GTSE1: variants seen among roughly 807,000 people sequenced by gnomAD.
GTSE1 encodes the protein G2 and S phase-expressed protein 1.
Under a neutral mutation model 60.5 loss-of-function variants are expected in GTSE1, and 52 were observed. The ratio of observed to expected loss-of-function variants is 0.86; its 90% confidence interval spans 0.69 to 1.08. GTSE1 has a LOEUF of 1.08. Ranked by LOEUF, GTSE1 falls within the 50% of genes least tolerant of loss-of-function variation. The probability of loss-of-function intolerance (pLI) is 0.00; values close to 1 mark genes in which losing one functional copy is unlikely to be tolerated. For missense variants in GTSE1, 937 were observed against 961.8 expected, an observed-to-expected ratio of 0.97 and a Z score of 0.34; for synonymous variants, 368 against 386.5, an observed-to-expected ratio of 0.95 and a Z score of 0.56.
rs1484907223 is a variant in GTSE1, at chr22:46,326,169, A to G, written c.1506-267A>G. Among the ~76,000 whole-genome samples the G allele has an allele frequency of 2.0e-5, 3 of 152,366 alleles. No individual in the cohort carries two copies. In the East Asian group the frequency reaches 5.8e-4, roughly 29 times the overall value. On this transcript the variant is annotated intron_variant, in intron 8 of 11. Coordinates refer to ENST00000454366, the MANE Select transcript of GTSE1 (RefSeq NM_016426.7). ...CCGTAAAGTGTAATCACATTTGATC[A>G]ATTTTCTTTTGAGTTGCCTGTGAGG...
rs1367562130 is a variant in GTSE1 at position 46,304,189 on chromosome 22, C to T, written c.80-3961C>T. Among the ~76,000 whole-genome samples the T allele has an allele frequency of 1.3e-5, 2 of 151,826 alleles. No individual in the cohort carries two copies. Among genetic ancestry groups the T allele is most frequent in the African/African-American group, 2.4e-5 (1 of 41,310 alleles). ...TTTTCTTTTTGTAGAGCTGGGGTCT[C>T]GCTATGTTGCGAGGGCTGGCCTTGA... On this transcript the variant is annotated intron_variant, in intron 2 of 11. Transcript: ENST00000454366. This position sits in a 1 kb window ranked among gnomAD's most constrained non-coding sequence, Gnocchi z 4.4.
Position 46,320,453 on chromosome 22 carries a change from A to G in GTSE1, c.1433-2737A>G, listed in dbSNP as rs1295190823. On this transcript the variant is annotated intron_variant, in intron 7 of 11. Coordinates refer to ENST00000454366, the MANE Select transcript of GTSE1 (RefSeq NM_016426.7). The surrounding 1 kb of genome is among the most constrained non-coding windows in gnomAD (Gnocchi z 7.1). ...CAGGGGAGCAGCCACGCTGTTGGGAACACACAGCTCTGGGAGGCACGTGGT... is the reference window on the plus strand; with the variant it reads ...CAGGGGAGCAGCCACGCTGTTGGGAGCACACAGCTCTGGGAGGCACGTGGT... 6.6e-6 allele frequency among the ~76,000 whole-genome samples: 1 copy of G among 152,146 alleles called. No individual in the cohort carries two copies. The highest frequency in any genetic ancestry group is 1.5e-5 in the Non-Finnish European group (1 of 68,028).
rs1464373368 is a variant in GTSE1 at position 46,317,793 on chromosome 22, G to A, written c.1432+1381G>A. On this transcript the variant is annotated intron_variant, in intron 7 of 11. Transcript: ENST00000454366. This position sits in a 1 kb window ranked among gnomAD's most constrained non-coding sequence, Gnocchi z 5.6. ...CACCCGTGTGTCCCGCAAGGCCCGC[G>A]AGACCCCTGCACTCCTGCTGCTGCA... 6.6e-6 allele frequency among the ~76,000 whole-genome samples: 1 copy of A among 152,208 alleles called. No homozygotes were observed. Among genetic ancestry groups the A allele is most frequent in the Non-Finnish European group, 1.5e-5 (1 of 68,034 alleles).
Position 46,330,066 on chromosome 22 carries a change from C to T in GTSE1, c.2156C>T (p.Pro719Leu), listed in dbSNP as rs768711898. 3 of 1,610,598 alleles carry T rather than the reference C, an allele frequency of 1.9e-6. No homozygotes were observed. Among genetic ancestry groups the T allele is most frequent in the Non-Finnish European group, 2.5e-6 (3 of 1,176,732 alleles). Reference sequence around the variant, plus strand: ...TTCCAGCTCATAGACCTGAGCTCCCCTCTGATCCAGCTGAGCCCTGAGGCT... The same window carrying T: ...TTCCAGCTCATAGACCTGAGCTCCCTTCTGATCCAGCTGAGCCCTGAGGCT... ...VVGQLIDLSS[P>L]LIQLSPEADK... The change falls in exon 12 of 12, where the codon CCT becomes CTT. Residue 719 changes from proline (P) to leucine (L), a missense_variant. By Grantham distance (98) the Pro-to-Leu change is moderately conservative. Coordinates refer to ENST00000454366, the MANE Select transcript of GTSE1 (RefSeq NM_016426.7). This position sits in a 1 kb window ranked among gnomAD's most constrained non-coding sequence, Gnocchi z 6.0.
Position 46,324,431 on chromosome 22 carries a change from G to C in GTSE1, c.1505+1169G>C, listed in dbSNP as rs932346864. Reference sequence around the variant, plus strand: ...CACCCAGGCTGGAGGGCAGTGGCACGATCTCAGCTCATGGTAAGCTCCGCC... The same window carrying C: ...CACCCAGGCTGGAGGGCAGTGGCACCATCTCAGCTCATGGTAAGCTCCGCC... On this transcript the variant is annotated intron_variant, in intron 8 of 11. Transcript: ENST00000454366. The surrounding 1 kb of genome is among the most constrained non-coding windows in gnomAD (Gnocchi z 5.2). Among the ~76,000 whole-genome samples the C allele has an allele frequency of 6.6e-6, 1 of 151,952 alleles. No individual in the cohort carries two copies. The highest frequency in any genetic ancestry group is 1.5e-5 in the Non-Finnish European group (1 of 68,000).
At chr22:46,328,463 C>T (rs984157434) in intron 9 of GTSE1, among the ~76,000 whole-genome samples, 18 of 152,186 alleles carry the variant, frequency 1.2e-4, no homozygotes, top group African/African-American at 4.3e-4. Flanking sequence ...CTAACATCAG[C>T]CCCTGGTGAT....
At chr22:46,305,999 G>C (rs1381824835) in intron 2 of GTSE1, among the ~76,000 whole-genome samples, 1 of 152,020 alleles carries the variant, frequency 6.6e-6, no homozygotes, top group Non-Finnish European at 1.5e-5. Flanking sequence ...TGACAGATGT[G>C]CTTATGGATC....
rs750535093 is a variant in GTSE1, at chr22:46,308,423, T to C, written c.242T>C (p.Leu81Ser). Residue 81 changes from leucine (L) to serine (S), a missense_variant, in exon 4 of 12, where the codon TTG (leucine) becomes TCG (serine). Coordinates refer to ENST00000454366, the MANE Select transcript of GTSE1 (RefSeq NM_016426.7). The stretch of plus-strand genomic sequence containing the variant: ...AATCCGGTTCCCGAACAGCCTCCGT[T>C]GCCCACATCTGAGAGTCCCTTTGCC... The part of the protein sequence containing the change: ...LNNPVPEQPP[L>S]PTSESPFAWS... 1.2e-6 allele frequency: 2 copies of C among 1,614,190 alleles called. No individual in the cohort carries two copies. Among genetic ancestry groups the C allele is most frequent in the Non-Finnish European group, 1.7e-6 (2 of 1,180,034 alleles).
In GTSE1 at chr22:46,328,881, C is replaced by G; in HGVS notation, c.1918C>G (p.Pro640Ala). The G allele has an allele frequency of 6.2e-7, 1 of 1,612,746 alleles. No individual in the cohort carries two copies. Among genetic ancestry groups the G allele is most frequent in the Non-Finnish European group, 8.5e-7 (1 of 1,179,220 alleles). ...AGCCAAGCCGGGTGGAGATGCAGCC[C>G]CTAGTGAGGTGGGCAGAACGGGCGC... ...EEAKPGGDAA[P>A]SEALLVDIKL... The change falls in exon 10 of 12, where the codon CCT becomes GCT. Residue 640 changes from proline to alanine, a missense_variant. Pro to Ala is a conservative substitution (Grantham distance 27). Coordinates refer to ENST00000454366, the MANE Select transcript of GTSE1 (RefSeq NM_016426.7).
chr22:46,321,036 G>T lies in GTSE1; in HGVS notation c.1433-2154G>T, dbSNP rs11913113. On this transcript the variant is annotated intron_variant, in intron 7 of 11. Transcript: ENST00000454366. The surrounding 1 kb of genome is among the most constrained non-coding windows in gnomAD (Gnocchi z 4.0). ...ACGGGAGGCGGCAAGGGAGAGGGAG[G>T]CGGCGAGGGAGAGAGAGGTGGGCTT... Among the ~76,000 whole-genome samples the T allele has an allele frequency of 6.6e-6, 1 of 151,998 alleles. No individual in the cohort carries two copies. Among genetic ancestry groups the T allele is most frequent in the Non-Finnish European group, 1.5e-5 (1 of 67,980 alleles).
Position 46,297,181 on chromosome 22 carries a change from CG to C in GTSE1, c.-21-196del, listed in dbSNP as rs11318956. Among the ~76,000 whole-genome samples the C allele has an allele frequency of 0.07, 10,629 of 152,264 alleles. 507 individuals carry two copies. Among genetic ancestry groups the C allele is most frequent in the Non-Finnish European group, 0.11 (7,185 of 67,996 alleles). On this transcript the variant is annotated intron_variant, in intron 1 of 11. Transcript: ENST00000454366. The surrounding 1 kb of genome is among the most constrained non-coding windows in gnomAD (Gnocchi z 4.9). ...TTCCGTTATCTCGTCTGATGGCGTT[CG>C]GGCTGACTCCCGGCCTGGCGGCACT...
rs774068785 is a variant in GTSE1 at position 46,316,371 on chromosome 22, C to A, written c.1391C>A (p.Pro464His). Residue 464 changes from proline (P) to histidine (H), a missense_variant, in exon 7 of 12, where the codon CCT becomes CAT. By Grantham distance (77) the Pro-to-His change is moderately conservative. Coordinates refer to ENST00000454366, the MANE Select transcript of GTSE1 (RefSeq NM_016426.7). This position sits in a 1 kb window ranked among gnomAD's most constrained non-coding sequence, Gnocchi z 5.0. The part of the protein sequence containing the change: ...SCLNSKTKVM[P>H]TPTNQFKIPK... ...CTAAATTCCAAGACAAAGGTTATGC[C>A]TACTCCTACAAATCAATTTAAAATT... 1.9e-6 allele frequency: 3 copies of A among 1,599,896 alleles called. No individual in the cohort carries two copies. The highest frequency in any genetic ancestry group is 2.6e-6 in the Non-Finnish European group (3 of 1,168,730).
In GTSE1 at chr22:46,313,394, C is replaced by T. The variant is rs1233563625; in HGVS notation, c.928-496C>T. 1.3e-5 allele frequency among the ~76,000 whole-genome samples: 2 copies of T among 152,104 alleles called. No homozygotes were observed. The highest frequency in any genetic ancestry group is 2.1e-4 in the South Asian group (1 of 4,832). On this transcript the variant is annotated intron_variant, in intron 5 of 11. Transcript: ENST00000454366. This position sits in a 1 kb window ranked among gnomAD's most constrained non-coding sequence, Gnocchi z 4.4. Reference sequence around the variant, plus strand: ...ATTTCTGCTAGCTCCCTAATGTGGTCCTCATGCAGGGGTTTGAAGACTACA... The same window carrying T: ...ATTTCTGCTAGCTCCCTAATGTGGTTCTCATGCAGGGGTTTGAAGACTACA...
rs1343122748 is a variant in GTSE1, at chr22:46,308,566, C to T, written c.385C>T (p.Pro129Ser). 2.5e-6 allele frequency: 4 copies of T among 1,614,042 alleles called. No homozygotes were observed. The African/African-American group carries it at 5.3e-5, about 22-fold the overall frequency. ...QAAQAAKPEDPRSQGVERFIQ... is the reference protein window; with the variant it reads ...QAAQAAKPEDSRSQGVERFIQ... ...AGCCCAAGCTGCCAAGCCTGAAGAC[C>T]CTCGGAGCCAGGGCGTGGAAAGATT... The change falls in exon 4 of 12, where the codon CCT (proline) becomes TCT (serine). Residue 129 changes from proline (P) to serine (S), a missense_variant. Physicochemically the swap from Pro to Ser is moderately conservative, Grantham distance 74. Transcript: ENST00000454366.
rs1457718694 is a variant in GTSE1, at chr22:46,309,807, A to G, written c.762+864A>G. ...CCACCCCCAACAGCTGGGGCCTGCA[A>G]ACTCCTTTATTTGGAGCCCGTTTGG... On this transcript the variant is annotated intron_variant, in intron 4 of 11. Transcript: ENST00000454366. The surrounding 1 kb of genome is among the most constrained non-coding windows in gnomAD (Gnocchi z 6.2). 2.6e-5 allele frequency among the ~76,000 whole-genome samples: 4 copies of G among 152,192 alleles called. No individual in the cohort carries two copies. Among genetic ancestry groups the G allele is most frequent in the African/African-American group, 7.2e-5 (3 of 41,458 alleles).
At position 46,314,553 on chromosome 22, in the gene GTSE1, G is replaced by A. The variant is rs1387382294; in HGVS notation, c.1051+540G>A. On this transcript the variant is annotated intron_variant, in intron 6 of 11. Transcript: ENST00000454366. This position sits in a 1 kb window ranked among gnomAD's most constrained non-coding sequence, Gnocchi z 7.1. ...CATGTGGCGTCTCGGGGTCGTTCAG[G>A]GCAGCATGGTGTGGATTGTGTTCAC... Among the ~76,000 whole-genome samples the A allele has an allele frequency of 2.0e-5, 3 of 151,970 alleles. No homozygotes were observed. Among genetic ancestry groups the A allele is most frequent in the Admixed American group, 1.3e-4 (2 of 15,256 alleles).
intron 2 of GTSE1, among the ~76,000 whole-genome samples, chr22:46,303,333 C>T (rs1198958677): frequency 6.6e-6 from 1 of 152,228 alleles, no homozygotes; most frequent in Non-Finnish European, 1.5e-5. Flanking sequence ...GAAGTATTTT[C>T]TTCCATGTTA....
rs569246232 is a variant in GTSE1, at chr22:46,319,190, G to A, written c.1432+2778G>A. On this transcript the variant is annotated intron_variant, in intron 7 of 11. Transcript: ENST00000454366. This position sits in a 1 kb window ranked among gnomAD's most constrained non-coding sequence, Gnocchi z 5.0. ...GAAGATGGAGGGGCAGCCCGAGGCCGGCTCCCAGAGCGCCGCGTGACCAGA... is the reference window on the plus strand; with the variant it reads ...GAAGATGGAGGGGCAGCCCGAGGCCAGCTCCCAGAGCGCCGCGTGACCAGA... 2.6e-5 allele frequency among the ~76,000 whole-genome samples: 4 copies of A among 152,306 alleles called. No homozygotes were observed. The highest frequency in any genetic ancestry group is 3.9e-4 in the East Asian group (2 of 5,180).
At position 46,297,945 on chromosome 22, in the gene GTSE1, T is replaced by C. The variant is rs953914731; in HGVS notation, c.79+466T>C. Among the ~76,000 whole-genome samples the C allele has an allele frequency of 7.2e-5, 11 of 151,898 alleles. No individual in the cohort carries two copies. Among genetic ancestry groups the C allele is most frequent in the African/African-American group, 2.7e-4 (11 of 41,228 alleles). ...AGTTACAGGCCACACCCTCTTTTTCTCTCAAAGCGTTTTTATTTATTTATT... is the reference window on the plus strand; with the variant it reads ...AGTTACAGGCCACACCCTCTTTTTCCCTCAAAGCGTTTTTATTTATTTATT... On this transcript the variant is annotated intron_variant, in intron 2 of 11. Coordinates refer to ENST00000454366, the MANE Select transcript of GTSE1 (RefSeq NM_016426.7). The surrounding 1 kb of genome is among the most constrained non-coding windows in gnomAD (Gnocchi z 4.9).
Sources: gnomAD v4.1 joint callset for allele counts (sites outside exome capture counted in the v4.1 genomes callset) on GRCh38, gnomAD v4.1.1 for gene constraint, Gnocchi (gnomAD v3.1) non-coding constraint, MANE v1.5 for transcripts, NCBI Gene and HGNC (gene_info 2026-07-23, HGNC 2026-07-21) for gene names.